The following RAPGEF2 variants were observed in gnomAD, a reference collection of about 807,000 sequenced individuals.
The protein encoded by RAPGEF2 is PDZ domain containing guanine nucleotide exchange factor (GEF) 1.
RAPGEF2 carries 54 observed loss-of-function variants against 186.7 expected under a neutral mutation model. That is an observed-to-expected ratio of 0.29 (90% CI 0.23 to 0.36). The LOEUF is 0.36. Ranked by LOEUF, RAPGEF2 falls within the 10% of genes least tolerant of loss-of-function variation. The pLI, the probability that RAPGEF2 is intolerant of heterozygous loss-of-function variation, is 1.00. For synonymous variants in RAPGEF2, 712 were observed against 705.9 expected (o/e 1.01, Z -0.14); for missense variants, 1,532 against 2,045.0 (o/e 0.75, Z 4.84).
At chr4:159,172,264 C>G (rs1022600235) in intron 1 of RAPGEF2, among the ~76,000 whole-genome samples, 3 of 152,126 alleles carry the variant, frequency 2.0e-5, no homozygotes, top group Non-Finnish European at 4.4e-5. Flanking sequence ...CTGTAGTTCT[C>G]GGATGCAGTA....
In RAPGEF2 at chr4:159,314,067, A is replaced by G. The variant is rs183451442; in HGVS notation, c.676-524A>G. Reference sequence around the variant, plus strand: ...ATAGTGTTTCTCGATTTATAGTTTAACAGTGGTCATTGGGATAATCCAACT... The same window carrying G: ...ATAGTGTTTCTCGATTTATAGTTTAGCAGTGGTCATTGGGATAATCCAACT... On this transcript the variant is annotated intron_variant, in intron 8 of 29. Coordinates refer to ENST00000691494, the MANE Select transcript of RAPGEF2 (RefSeq NM_001394067.2). 2.4e-4 allele frequency among the ~76,000 whole-genome samples: 36 copies of G among 152,324 alleles called. No homozygotes were observed. In the East Asian group the frequency reaches 6.4e-3, roughly 27 times the overall value.
chr4:159,166,849 G>A (rs572119515), intron 1 of RAPGEF2, among the ~76,000 whole-genome samples: 1 of 152,184 alleles, frequency 6.6e-6, no homozygotes, highest in Non-Finnish European at 1.5e-5. Flanking sequence ...GAGTTGAGTT[G>A]CCCATCAGGA....
At chr4:159,165,451 A>G (rs1445210401) in intron 1 of RAPGEF2, among the ~76,000 whole-genome samples, 2 of 152,198 alleles carry the variant, frequency 1.3e-5, no homozygotes, top group South Asian at 2.1e-4. Flanking sequence ...GTATATCTAT[A>G]TATCTCTATC....
At chr4:159,132,772 T>C (rs973821270) in intron 1 of RAPGEF2, among the ~76,000 whole-genome samples, 4 of 152,134 alleles carry the variant, frequency 2.6e-5, no homozygotes, top group Non-Finnish European at 4.4e-5. Flanking sequence ...TTGAAAGTTA[T>C]GTGCGTTTTA....
At chr4:159,333,988 AT>A (rs1054570703) in intron 17 of RAPGEF2, among the ~76,000 whole-genome samples, 44 of 152,268 alleles carry the variant, frequency 2.9e-4, no homozygotes, top group African/African-American at 1.0e-3. Flanking sequence ...TATACTATTG[AT>A]TGGTTGAGTT....
intron 1 of RAPGEF2, among the ~76,000 whole-genome samples, chr4:159,165,628 GT>G (rs1197485536): frequency 6.6e-6 from 1 of 152,108 alleles, no homozygotes; most frequent in African/African-American, 2.4e-5. Flanking sequence ...ATTTTTGTTT[GT>G]TTTTTTGAGA....
chr4:159,266,269 A>G (rs1757415647), intron 7 of RAPGEF2, among the ~76,000 whole-genome samples: 1 of 152,058 alleles, frequency 6.6e-6, no homozygotes, highest in African/African-American at 2.4e-5. Context: ...AAAGAAGGAA[A>G]GAGAATAGGG....
intron 7 of RAPGEF2, among the ~76,000 whole-genome samples, chr4:159,277,022 C>T (rs1211685728): frequency 1.3e-5 from 2 of 151,868 alleles, no homozygotes; most frequent in East Asian, 1.9e-4. Flanking sequence ...GTGCTGCACC[C>T]ATTAACTCAT....
intron 1 of RAPGEF2, among the ~76,000 whole-genome samples, chr4:159,132,250 C>G (rs908711952): frequency 6.6e-6 from 1 of 152,218 alleles, no homozygotes; most frequent in African/African-American, 2.4e-5. Flanking sequence ...TATGATCGTA[C>G]TTCACAGTCT....
At chr4:159,260,613 A>G (rs2110739136) in intron 7 of RAPGEF2, among the ~76,000 whole-genome samples, 1 of 152,226 alleles carries the variant, frequency 6.6e-6, no homozygotes, top group African/African-American at 2.4e-5. Flanking sequence ...TACTTTTAAG[A>G]TTTTTAAATT....
intron 3 of RAPGEF2, among the ~76,000 whole-genome samples, chr4:159,209,588 T>C (rs961747384): frequency 1.3e-5 from 2 of 152,218 alleles, no homozygotes; most frequent in African/African-American, 4.8e-5. Flanking sequence ...CCCTGACATA[T>C]CCTAAACATC....
chr4:159,305,415 C>T (rs781353520), intron 8 of RAPGEF2, among the ~76,000 whole-genome samples: 21 of 152,040 alleles, frequency 1.4e-4, no homozygotes, highest in Non-Finnish European at 2.6e-4. Flanking sequence ...TTTTAATTGG[C>T]GTTTCTCTGA....
Position 159,346,794 on chromosome 4 carries a change from A to G in RAPGEF2, c.3508A>G (p.Lys1170Glu). ...CAAACCCAAACAATTATCAGTGCCT[A>G]AGAATCCTGGTGACAAAAAGCCTGT... ...QCEPATNTLP[K>E]NPGDKKPVKS... The change falls in exon 25 of 30, where the codon AAG becomes GAG. Residue 1170 changes from lysine to glutamate, a missense_variant. Physicochemically the swap from Lys to Glu is moderately conservative, Grantham distance 56. Coordinates refer to ENST00000691494, the MANE Select transcript of RAPGEF2 (RefSeq NM_001394067.2). 1 of 1,613,896 alleles carries G rather than the reference A, an allele frequency of 6.2e-7. No individual in the cohort carries two copies. Among genetic ancestry groups the G allele is most frequent in the Non-Finnish European group, 8.5e-7 (1 of 1,179,812 alleles).
At chr4:159,124,607 T>C (rs1740079556) in intron 1 of RAPGEF2, among the ~76,000 whole-genome samples, 4 of 152,178 alleles carry the variant, frequency 2.6e-5, no homozygotes, top group Admixed American at 1.3e-4. Flanking sequence ...AAGATATATC[T>C]TTACGCAAAG....
At chr4:159,190,567 C>T (rs981879740) in intron 2 of RAPGEF2, among the ~76,000 whole-genome samples, 4 of 152,138 alleles carry the variant, frequency 2.6e-5, no homozygotes, top group African/African-American at 7.2e-5. Context: ...AGGCCATACC[C>T]GAGACTGGGT....
chr4:159,119,354 A>G (rs1005257554), intron 1 of RAPGEF2, among the ~76,000 whole-genome samples: 1 of 152,194 alleles, frequency 6.6e-6, no homozygotes, highest in African/African-American at 2.4e-5. Flanking sequence ...TTTATTTTGA[A>G]GGAAAGCCCT....
rs1452413684 is a variant in RAPGEF2 at position 159,351,071 on chromosome 4, A to G, written c.3865+782A>G. 8 of 1,532,684 alleles carry G rather than the reference A, an allele frequency of 5.2e-6. No homozygotes were observed. The Admixed American group carries it at 5.9e-5, about 11-fold the overall frequency. 94.9% of individuals were successfully genotyped at this position (1,532,684 alleles called of 1,614,324 possible). A position where few individuals can be genotyped will look rare whatever the true frequency, so the allele number is the denominator to read the frequency against. On this transcript the variant is annotated intron_variant, in intron 26 of 29. Coordinates refer to ENST00000691494, the MANE Select transcript of RAPGEF2 (RefSeq NM_001394067.2). ...ATCCTGTTGTTAGGTGGCAGTGGCA[A>G]TCAGCTGAGATCTTTTGGCTCCGGG...
chr4:159,210,158 A>T (rs1750378643), intron 3 of RAPGEF2, among the ~76,000 whole-genome samples: 1 of 152,228 alleles, frequency 6.6e-6, no homozygotes, highest in African/African-American at 2.4e-5. Flanking sequence ...AGAAATAGTA[A>T]GTTTCACTGA....
intron 7 of RAPGEF2, among the ~76,000 whole-genome samples, chr4:159,263,416 C>G (rs1757094874): frequency 6.6e-6 from 1 of 152,096 alleles, no homozygotes; most frequent in African/African-American, 2.4e-5. Context: ...CAGTGAAACA[C>G]TAAAAATCCA....
Sources: allele counts gnomAD v4.1 joint callset (sites outside exome capture counted in the v4.1 genomes callset), GRCh38; gene constraint gnomAD v4.1.1; transcripts MANE v1.5; gene names NCBI Gene and HGNC (gene_info 2026-07-23, HGNC 2026-07-21).